Variants in FBXO25 observed in about 807,000 individuals in gnomAD.
The protein encoded by FBXO25 is F-box protein 25, also known as F-box only protein 25.
FBXO25 carries 45 observed loss-of-function variants against 51.9 expected under a neutral mutation model. The observed-to-expected ratio is 0.87, with a 90% CI of 0.68 to 1.11. The LOEUF (loss-of-function observed/expected upper bound fraction) is 1.11, where lower values mean the gene tolerates loss of function less well. FBXO25 is among the 50% of genes most tolerant of loss of function. FBXO25 has a pLI of 0.00. For synonymous variants in FBXO25, 199 were observed against 151.0 expected, an observed-to-expected ratio of 1.32 and a Z score of -2.33; for missense variants, 507 against 428.5, an observed-to-expected ratio of 1.18 and a Z score of -1.62.
At position 475,380 on chromosome 8, in the gene FBXO25, C is replaced by T. The variant is rs1800611721; in HGVS notation, c.*6576C>T. 6.4e-6 allele frequency: 1 copy of T among 156,012 alleles called. No individual in the cohort carries two copies. The highest frequency in any genetic ancestry group is 6.3e-5 in the Admixed American group (1 of 15,752). 9.7% of individuals were successfully genotyped at this position (156,012 alleles called of 1,614,324 possible). On this transcript the variant is annotated 3_prime_UTR_variant, in exon 10 of 10. Transcript: ENST00000350302. ...AGTTATGAAATAAGGAAGTGAGAGA[C>T]CTCCTACTTGGTTCCCTTTCAAGAT...
intron 7 of FBXO25, among the ~76,000 whole-genome samples, chr8:451,724 A>T (rs905147642): frequency 6.6e-6 from 1 of 152,220 alleles, no homozygotes; most frequent in South Asian, 2.1e-4. Flanking sequence ...TGGGAAACTG[A>T]ATATTTCAGT....
rs1251134522 is a variant in FBXO25 at position 474,332 on chromosome 8, A to C, written c.*5528A>C. Reference sequence around the variant, plus strand: ...TGGATGGACCACATTTTGTTTGTGTACTCATCTGTTGAGGACACTTGAGTT... The same window carrying C: ...TGGATGGACCACATTTTGTTTGTGTCCTCATCTGTTGAGGACACTTGAGTT... On this transcript the variant is annotated 3_prime_UTR_variant, in exon 10 of 10. Coordinates refer to ENST00000350302, the MANE Select transcript of FBXO25 (RefSeq NM_183420.2). 1 of 214,472 alleles carries C rather than the reference A, an allele frequency of 4.7e-6. No homozygotes were observed. The highest frequency in any genetic ancestry group is 9.2e-6 in the Non-Finnish European group (1 of 109,026). 13.3% of individuals were successfully genotyped at this position (214,472 alleles called of 1,614,324 possible).
intron 7 of FBXO25, among the ~76,000 whole-genome samples, chr8:453,166 A>G (rs993030221): frequency 9.8e-5 from 15 of 152,378 alleles, no homozygotes; most frequent in African/African-American, 3.6e-4. Flanking sequence ...AATAAGGTAC[A>G]AAAATGAAAT....
At chr8:464,840 A>G (rs1380126113) in intron 9 of FBXO25, among the ~76,000 whole-genome samples, 1 of 152,216 alleles carries the variant, frequency 6.6e-6, no homozygotes, top group African/African-American at 2.4e-5. Flanking sequence ...ATATTTTGGT[A>G]TGACTTCTCT....
intron 2 of FBXO25, among the ~76,000 whole-genome samples, chr8:417,095 G>C (rs2117461731): frequency 6.6e-6 from 1 of 152,332 alleles, no homozygotes; most frequent in Non-Finnish European, 1.5e-5. Context: ...GGCATATTCA[G>C]GGACAGCAGG....
intron 1 of FBXO25, 65 bp from the exon 2 acceptor site, chr8:413,008 T>C: frequency 9.2e-7 from 1 of 1,092,580 alleles, no homozygotes; most frequent in Non-Finnish European, 1.2e-6. Flanking sequence ...TTAATAAATG[T>C]TCTAAGTGAA....
intron 2 of FBXO25, among the ~76,000 whole-genome samples, chr8:426,852 T>C (rs1215678718): frequency 7.0e-6 from 1 of 143,652 alleles, no homozygotes; most frequent in Admixed American, 6.8e-5. Flanking sequence ...TGCTGCTCCC[T>C]TCATGTAAGA....
intron 7 of FBXO25, among the ~76,000 whole-genome samples, chr8:453,137 A>C (rs1799198271): frequency 6.6e-6 from 1 of 152,216 alleles, no homozygotes; most frequent in Admixed American, 6.5e-5. Flanking sequence ...CTGTAGTGCC[A>C]TTTTGATCAA....
intron 8 of FBXO25, among the ~76,000 whole-genome samples, chr8:461,210 A>G (rs1799787348): frequency 6.6e-6 from 1 of 152,252 alleles, no homozygotes; most frequent in African/African-American, 2.4e-5. Flanking sequence ...ACCTTTATTA[A>G]GATACCCTCC....
In FBXO25 at chr8:475,083, GT is replaced by G; in HGVS notation, c.*6283del. The G allele has an allele frequency of 5.4e-6, 2 of 372,822 alleles. 1 individual carries two copies. Among genetic ancestry groups the G allele is most frequent in the Non-Finnish European group, 1.0e-5 (2 of 193,662 alleles). The allele number at this position is 372,822 out of a possible 1,614,324, so 23.1% of individuals were successfully genotyped here. On this transcript the variant is annotated 3_prime_UTR_variant, in exon 10 of 10. Transcript: ENST00000350302. ...AGTTTCCCTTATGTTTCTCCTAAAT[GT>G]TTTAGTTTTAGCTCTTAGTTTAGGC...
intron 5 of FBXO25, among the ~76,000 whole-genome samples, chr8:446,479 C>G (rs1477778393): frequency 6.6e-6 from 1 of 152,160 alleles, no homozygotes; most frequent in East Asian, 1.9e-4. Context: ...TTAGGAAATC[C>G]ATTGTTGTGT....
intron 1 of FBXO25, among the ~76,000 whole-genome samples, chr8:411,327 G>A (rs1244841985): frequency 6.6e-6 from 1 of 152,066 alleles, no homozygotes; most frequent in Admixed American, 6.6e-5. Flanking sequence ...TTTTTCTCCT[G>A]ACTTCCTACT....
chr8:442,126 A>T (rs1282721696), intron 5 of FBXO25, among the ~76,000 whole-genome samples: 1 of 152,266 alleles, frequency 6.6e-6, no homozygotes, highest in East Asian at 1.9e-4. Context: ...AAGCAACACA[A>T]TCCAATGCTA....
intron 5 of FBXO25, among the ~76,000 whole-genome samples, chr8:445,850 G>A (rs1798706757): frequency 6.6e-6 from 1 of 152,184 alleles, no homozygotes; most frequent in Admixed American, 6.5e-5. Flanking sequence ...CAGCCTGGGG[G>A]ACAAGAGTGA....
At chr8:446,216 C>T (rs547014102) in intron 5 of FBXO25, among the ~76,000 whole-genome samples, 173 of 152,214 alleles carry the variant, frequency 1.1e-3, no homozygotes, top group African/African-American at 4.1e-3. Context: ...CCCTAACAGG[C>T]CCCTAGACGA....
chr8:415,063 A>G (rs1796715338), intron 2 of FBXO25, among the ~76,000 whole-genome samples: 1 of 152,218 alleles, frequency 6.6e-6, no homozygotes, highest in Admixed American at 6.5e-5. Flanking sequence ...AGATAAGACC[A>G]TATGTAATCA....
chr8:425,163 C>T (rs903794857), intron 2 of FBXO25, among the ~76,000 whole-genome samples: 1 of 151,654 alleles, frequency 6.6e-6, no homozygotes, highest in Non-Finnish European at 1.5e-5. Flanking sequence ...CTATTATAAC[C>T]TACTTCATCT....
intron 5 of FBXO25, among the ~76,000 whole-genome samples, chr8:449,594 G>T (rs1388451216): frequency 1.3e-5 from 2 of 152,286 alleles, no homozygotes; most frequent in South Asian, 2.1e-4. Context: ...TGCGAGTATG[G>T]GCTTAGGTTG....
chr8:455,983 A>G (rs943070826), intron 7 of FBXO25, among the ~76,000 whole-genome samples: 2 of 152,230 alleles, frequency 1.3e-5, no homozygotes, highest in African/African-American at 2.4e-5. Flanking sequence ...ACCAGACTCT[A>G]TAACTCTACT....
Sources: gnomAD v4.1 joint callset for allele counts (sites outside exome capture counted in the v4.1 genomes callset) on GRCh38, gnomAD v4.1.1 for gene constraint, MANE v1.5 for transcripts, NCBI Gene and HGNC (gene_info 2026-07-23, HGNC 2026-07-21) for gene names.